NEXMIF: variants seen among roughly 807,000 people sequenced by gnomAD.
NEXMIF encodes the protein neurite extension and migration factor.
NEXMIF carries 8 observed loss-of-function variants against 62.1 expected under a neutral mutation model. That is an observed-to-expected ratio of 0.13 (90% CI 0.08 to 0.23). The LOEUF is 0.23. Among genes scored for constraint, NEXMIF ranks in the 10% least tolerant of loss-of-function variants. NEXMIF has a pLI of 1.00. For missense variants in NEXMIF, 976 were observed against 1,113.3 expected (o/e 0.88, Z 1.75); for synonymous variants, 404 against 416.6 (o/e 0.97, Z 0.37).
intron 1 of NEXMIF, among the ~76,000 whole-genome samples, chrX:74,877,772 G>T (rs915045973): frequency 1.1e-4 from 12 of 111,960 alleles, no homozygotes; most frequent in Admixed American, 4.7e-4. Context: ...GTTTCTTGCA[G>T]TTGATCGCAT....
At chrX:74,852,739 T>G (rs2080520508) in intron 1 of NEXMIF, among the ~76,000 whole-genome samples, 1 of 111,580 alleles carries the variant, frequency 9.0e-6, no homozygotes, top group African/African-American at 3.3e-5. Flanking sequence ...TTTTAAAAAT[T>G]TCCTGAAACA....
chrX:74,789,211 G>A (rs1164897564), intron 1 of NEXMIF, among the ~76,000 whole-genome samples: 2 of 101,362 alleles, frequency 2.0e-5, no homozygotes, highest in Non-Finnish European at 4.0e-5. Flanking sequence ...ACCTATGAGT[G>A]AGAATATGCG....
intron 1 of NEXMIF, among the ~76,000 whole-genome samples, chrX:74,915,607 TATTATCCCAG>T (rs984902623): frequency 3.6e-5 from 4 of 111,762 alleles, no homozygotes; most frequent in Non-Finnish European, 5.6e-5. Context: ...GGGATGGAAA[TATTATCCCAG>T]ATTATCCATC....
intron 1 of NEXMIF, among the ~76,000 whole-genome samples, chrX:74,909,702 C>T (rs747397672): frequency 8.9e-6 from 1 of 112,162 alleles, no homozygotes; most frequent in South Asian, 3.7e-4. Context: ...ATGGCAGCCT[C>T]TCCCATCATA....
In NEXMIF at chrX:74,865,004, C is replaced by T. The variant is rs922125071; in HGVS notation, c.-48+59879G>A. Among the ~76,000 whole-genome samples, 9 of 112,033 alleles carry T rather than the reference C, an allele frequency of 8.0e-5. No individual in the cohort carries two copies. The East Asian group carries it at 1.4e-3, about 18-fold the overall frequency. On this transcript the variant is annotated intron_variant, in intron 1 of 3. Transcript: ENST00000055682. The stretch of plus-strand genomic sequence containing the variant: ...GATTACAGGCATGAGCAACCATACC[C>T]GGCCATCAGGTATTTCTTCATAGCA...
chrX:74,765,191 CT>C (rs36008737), intron 1 of NEXMIF, among the ~76,000 whole-genome samples: 1,400 of 111,671 alleles, frequency 0.013, 8 homozygotes, highest in Middle Eastern at 0.018. Context: ...CCTTTTTAGT[CT>C]TTTTAAAAGT....
intron 1 of NEXMIF, among the ~76,000 whole-genome samples, chrX:74,825,203 G>C (rs966366436): frequency 2.7e-5 from 3 of 111,310 alleles, no homozygotes; most frequent in Non-Finnish European, 5.7e-5. Context: ...GTCCTTTTGA[G>C]AATTGCCTAT....
chrX:74,786,418 T>C (rs1250653045), intron 1 of NEXMIF, among the ~76,000 whole-genome samples: 1 of 111,017 alleles, frequency 9.0e-6, no homozygotes, highest in Non-Finnish European at 1.9e-5. Flanking sequence ...CACACCAAGA[T>C]TGGTTTTTAT....
At chrX:74,900,932 A>T (rs770300791) in intron 1 of NEXMIF, among the ~76,000 whole-genome samples, 3 of 112,265 alleles carry the variant, frequency 2.7e-5, no homozygotes, top group Non-Finnish European at 5.6e-5. Flanking sequence ...TTCCATTTAC[A>T]TGAGGTATTT....
At chrX:74,781,403 G>T (rs949135782) in intron 1 of NEXMIF, among the ~76,000 whole-genome samples, 10 of 110,211 alleles carry the variant, frequency 9.1e-5, no homozygotes, top group Non-Finnish European at 1.9e-4. Context: ...GAAAAAGAGA[G>T]ATCAGAGGAA....
At chrX:74,873,912 G>A (rs769486127) in intron 1 of NEXMIF, among the ~76,000 whole-genome samples, 439 of 111,006 alleles carry the variant, frequency 4.0e-3, no homozygotes, top group Non-Finnish European at 5.8e-3. Context: ...AGATGAGTAG[G>A]TTGCAAAAAT....
chrX:74,754,339 C>T (rs1330109356), intron 1 of NEXMIF, among the ~76,000 whole-genome samples: 2 of 102,697 alleles, frequency 1.9e-5, no homozygotes, highest in African/African-American at 7.2e-5. Flanking sequence ...GACGGAGTCT[C>T]ACTCTATCAC....
At position 74,840,814 on chromosome X, in the gene NEXMIF, GCTTT is replaced by G. The variant is rs1310346944; in HGVS notation, c.-48+84065_-48+84068del. Reference sequence around the variant, plus strand: ...TGTAGGTGAAAGGCCTCACTTCTGGGCTTTCTATTCTGTTCCACTGTTCTATGTG... The same window carrying G: ...TGTAGGTGAAAGGCCTCACTTCTGGGCTATTCTGTTCCACTGTTCTATGTG... On this transcript the variant is annotated intron_variant, in intron 1 of 3. Transcript: ENST00000055682. Among the ~76,000 whole-genome samples, 69 of 111,162 alleles carry G rather than the reference GCTTT, an allele frequency of 6.2e-4. 1 individual carries two copies. Among genetic ancestry groups the G allele is most frequent in the African/African-American group, 2.3e-3 (69 of 30,568 alleles).
chrX:74,906,923 C>T (rs2080770968), intron 1 of NEXMIF, among the ~76,000 whole-genome samples: 1 of 111,504 alleles, frequency 9.0e-6, no homozygotes, highest in Non-Finnish European at 1.9e-5. Flanking sequence ...CTTTCATCAA[C>T]TCACTGTCTG....
At chrX:74,811,323 T>C (rs746245032) in intron 1 of NEXMIF, among the ~76,000 whole-genome samples, 1 of 111,589 alleles carries the variant, frequency 9.0e-6, no homozygotes, top group South Asian at 3.8e-4. Flanking sequence ...TGACTTCCCC[T>C]TCCATTTTCC....
At chrX:74,783,508 G>C (rs1002358103) in intron 1 of NEXMIF, among the ~76,000 whole-genome samples, 46 of 111,824 alleles carry the variant, frequency 4.1e-4, no homozygotes, top group Middle Eastern at 4.6e-3. Context: ...GGGCCACCTG[G>C]AGCAGAGGGC....
rs1248728194 is a variant in NEXMIF at position 74,736,159 on chromosome X, G to T, written c.*3246C>A. 9.0e-6 allele frequency: 1 copy of T among 110,707 alleles called. No homozygotes were observed. Among genetic ancestry groups the T allele is most frequent in the Non-Finnish European group, 1.9e-5 (1 of 52,886 alleles). 9.1% of individuals were successfully genotyped at this position (110,707 alleles called of 1,213,427 possible). A position where few individuals can be genotyped will look rare whatever the true frequency, so the allele number is the denominator to read the frequency against. On this transcript the variant is annotated 3_prime_UTR_variant, in exon 4 of 4. Coordinates refer to ENST00000055682, the MANE Select transcript of NEXMIF (RefSeq NM_001008537.3). Reference sequence around the variant, plus strand: ...ATATCCATGTAACACAACTGTCCTTGTACCCCTACTCTATAAAAATTAAAA... The same window carrying T: ...ATATCCATGTAACACAACTGTCCTTTTACCCCTACTCTATAAAAATTAAAA...
chrX:74,906,726 T>G (rs1302387331), intron 1 of NEXMIF, among the ~76,000 whole-genome samples: 1 of 110,897 alleles, frequency 9.0e-6, no homozygotes, highest in Non-Finnish European at 1.9e-5. Context: ...TTGCATTTCT[T>G]AAGCTAAATA....
At chrX:74,769,724 C>A in intron 1 of NEXMIF, 2 of 620,177 alleles carry the variant, frequency 3.2e-6, no homozygotes, top group Non-Finnish European at 5.6e-6. Context: ...CCATTTTCCA[C>A]TGGAGTTACT....
Sources: gnomAD v4.1 joint callset for allele counts (sites outside exome capture counted in the v4.1 genomes callset) on GRCh38, gnomAD v4.1.1 for gene constraint, MANE v1.5 for transcripts, NCBI Gene and HGNC (gene_info 2026-07-23, HGNC 2026-07-21) for gene names.